The following C13orf46 variants were observed in gnomAD, a reference collection of about 807,000 sequenced individuals.
C13orf46 encodes the protein uncharacterized protein C13orf46.
intron 6 of C13orf46, among the ~76,000 whole-genome samples, chr13:113,957,248 C>T (rs2052544112): frequency 6.7e-6 from 1 of 148,682 alleles, no homozygotes; most frequent in Admixed American, 6.6e-5. Flanking sequence ...GGGGTCTCCC[C>T]TGCACTCTGC....
the C13orf46 span, among the ~76,000 whole-genome samples, chr13:113,930,000 T>A: frequency 2.8e-4 from 43 of 152,328 alleles, 2 homozygotes; most frequent in South Asian, 8.9e-3. Context: ...GACAAAATGT[T>A]GGGCCAGGGA....
downstream of C13orf46, among the ~76,000 whole-genome samples, chr13:113,952,867 C>T (rs931330895): frequency 7.2e-5 from 11 of 152,250 alleles, no homozygotes; most frequent in African/African-American, 1.4e-4. Flanking sequence ...AGCAGGAACA[C>T]GCTCATGCTG....
At chr13:113,966,371 GTGA>G (rs1430259998) in intron 5 of C13orf46, among the ~76,000 whole-genome samples, 15,913 of 149,832 alleles carry the variant, frequency 0.11, 1,081 homozygotes, top group Middle Eastern at 0.16. Context: ...ATTAATGATG[GTGA>G]TGATGATGAT....
chr13:113,933,419 G>A, the C13orf46 span, among the ~76,000 whole-genome samples: 1 of 152,300 alleles, frequency 6.6e-6, no homozygotes, highest in East Asian at 1.9e-4. Context: ...TGACTGTCTT[G>A]ATTAAAATCA....
chr13:113,948,838 G>A (rs2052479209), downstream of C13orf46, among the ~76,000 whole-genome samples: 1 of 152,204 alleles, frequency 6.6e-6, no homozygotes, highest in Non-Finnish European at 1.5e-5. Context: ...TCTGGTCTTT[G>A]TCCCCTGTTC....
chr13:113,939,326 C>T, the C13orf46 span, among the ~76,000 whole-genome samples: 98 of 150,260 alleles, frequency 6.5e-4, no homozygotes, highest in African/African-American at 2.3e-3. Context: ...CAGAAGGGGA[C>T]CACCCGATGG....
At chr13:113,942,260 G>T in the C13orf46 span, among the ~76,000 whole-genome samples, 1 of 152,212 alleles carries the variant, frequency 6.6e-6, no homozygotes, top group East Asian at 1.9e-4. Context: ...CGGGAGGAGG[G>T]ACCCACTGCT....
At chr13:113,949,664 C>T (rs980779587), downstream of C13orf46, among the ~76,000 whole-genome samples, 1 of 152,248 alleles carries the variant, frequency 6.6e-6, no homozygotes, top group African/African-American at 2.4e-5. Flanking sequence ...GGCCCTCACA[C>T]CCGCAGATGC....
At chr13:113,929,908 C>T in the C13orf46 span, among the ~76,000 whole-genome samples, 2 of 152,252 alleles carry the variant, frequency 1.3e-5, no homozygotes, top group Non-Finnish European at 2.9e-5. Context: ...ACACTGTCCT[C>T]AGGCTGCCAG....
At chr13:113,962,266 C>T (rs1197348084) in intron 6 of C13orf46, among the ~76,000 whole-genome samples, 2 of 152,022 alleles carry the variant, frequency 1.3e-5, no homozygotes, top group Admixed American at 6.6e-5. Context: ...TCTAGCTGGG[C>T]GTGGTGGTGG....
At chr13:113,948,730 A>G (rs1248125766), downstream of C13orf46, among the ~76,000 whole-genome samples, 1 of 152,240 alleles carries the variant, frequency 6.6e-6, no homozygotes, top group East Asian at 1.9e-4. Flanking sequence ...CTCAGTGTGC[A>G]TGAGCTTATC....
the C13orf46 span, among the ~76,000 whole-genome samples, chr13:113,943,906 G>A: frequency 6.6e-6 from 1 of 152,260 alleles, no homozygotes; most frequent in Non-Finnish European, 1.5e-5. Flanking sequence ...ACATCTCCAC[G>A]AGCGCGCCTC....
chr13:113,939,814 T>C, the C13orf46 span, among the ~76,000 whole-genome samples: 1 of 152,306 alleles, frequency 6.6e-6, no homozygotes, highest in East Asian at 1.9e-4. Context: ...CTGATGACAA[T>C]ACTTCTCAGG....
At chr13:113,958,995 G>A (rs1566416733) in intron 6 of C13orf46, among the ~76,000 whole-genome samples, 1 of 152,150 alleles carries the variant, frequency 6.6e-6, no homozygotes, top group South Asian at 2.1e-4. Context: ...AAGATACTAG[G>A]GGCCAGGTGC....
chr13:113,957,143 G>A (rs1160961150), intron 6 of C13orf46, among the ~76,000 whole-genome samples: 3 of 150,592 alleles, frequency 2.0e-5, no homozygotes, highest in South Asian at 2.1e-4. Context: ...CACACTGGGG[G>A]GTCTCCCCGC....
the C13orf46 span, among the ~76,000 whole-genome samples, chr13:113,930,191 C>T: frequency 6.6e-6 from 1 of 152,238 alleles, no homozygotes; most frequent in Admixed American, 6.5e-5. Flanking sequence ...GAGAGAAGCG[C>T]CATCTGCACG....
rs1210838893 is a variant in C13orf46, at chr13:113,965,755, G to A, written c.505-761C>T. 6.2e-4 allele frequency among the ~76,000 whole-genome samples: 20 copies of A among 32,486 alleles called. 1 individual carries two copies. The South Asian group carries it at 0.017, about 28-fold the overall frequency. The allele number at this position is 32,486 out of a possible 152,430, so 21.3% of individuals were successfully genotyped here. On this transcript the variant is annotated intron_variant, in intron 5 of 6. Coordinates refer to ENST00000636427, the MANE Select transcript of C13orf46 (RefSeq NM_001365455.2). ...GGTGAAGGTGATGATGGTGATGATG[G>A]TGATGGTGATGATGGTGATGGTGAT...
At chr13:113,943,721 T>C in the C13orf46 span, among the ~76,000 whole-genome samples, 1 of 152,202 alleles carries the variant, frequency 6.6e-6, no homozygotes, top group African/African-American at 2.4e-5. Flanking sequence ...TGTTTTATTT[T>C]TGGCTTACGC....
chr13:113,944,075 CCA>C, the C13orf46 span, among the ~76,000 whole-genome samples: 1 of 152,182 alleles, frequency 6.6e-6, no homozygotes, highest in East Asian at 1.9e-4. Flanking sequence ...CTCACAGACC[CCA>C]GTCACCCCGG....
Sources: gnomAD v4.1 joint callset for allele counts (sites outside exome capture counted in the v4.1 genomes callset) on GRCh38, gnomAD v4.1.1 for gene constraint, MANE v1.5 for transcripts, NCBI Gene and HGNC (gene_info 2026-07-23, HGNC 2026-07-21) for gene names.